The following LIN54 variants were observed in gnomAD, a reference collection of about 807,000 sequenced individuals.
LIN54 encodes lin-54 DREAM MuvB core complex component.
Under a neutral mutation model 78.7 loss-of-function variants are expected in LIN54, and 9 were observed. That is an observed-to-expected ratio of 0.11 (90% CI 0.07 to 0.20). The LOEUF (loss-of-function observed/expected upper bound fraction) is 0.20. Ranked by LOEUF, LIN54 falls within the 10% of genes least tolerant of loss-of-function variation. LIN54 has a pLI of 1.00. For synonymous variants in LIN54, 269 were observed against 318.4 expected (o/e 0.84, Z 1.65); for missense variants, 573 against 889.9 (o/e 0.64, Z 4.53).
intron 4 of LIN54, among the ~76,000 whole-genome samples, chr4:82,958,514 T>C (rs1367541046): frequency 6.6e-6 from 1 of 152,196 alleles, no homozygotes; most frequent in African/African-American, 2.4e-5. Flanking sequence ...GAAATATCAC[T>C]TATCCAACTG....
In LIN54 at chr4:82,960,817, T is replaced by C. The variant is rs545536050; in HGVS notation, c.951+9510A>G. 4.6e-5 allele frequency among the ~76,000 whole-genome samples: 7 copies of C among 152,246 alleles called. No homozygotes were observed. The South Asian group carries it at 1.5e-3, about 32-fold the overall frequency. The stretch of plus-strand genomic sequence containing the variant: ...GCTCATACATGTAATCCCAGCACTT[T>C]TGGGAGGCTGAGGCAGGTAGGTCGC... On this transcript the variant is annotated intron_variant, in intron 4 of 12. Coordinates refer to ENST00000340417, the MANE Select transcript of LIN54 (RefSeq NM_194282.4).
At chr4:82,944,734 T>C (rs1723218856) in intron 5 of LIN54, 1 of 152,144 alleles carries the variant, frequency 6.6e-6, no homozygotes, top group Non-Finnish European at 1.5e-5. Context: ...TTTTAATTTT[T>C]AATTTTAGAC....
Position 82,926,321 on chromosome 4 carries a change from T to C in LIN54, c.*1781A>G, listed in dbSNP as rs1721464019. The stretch of plus-strand genomic sequence containing the variant: ...CATTTATACAAATTTTAATTAAACA[T>C]ACTAGATTGAGGTGCTAAGAATGTT... On this transcript the variant is annotated 3_prime_UTR_variant, in exon 13 of 13. Coordinates refer to ENST00000340417, the MANE Select transcript of LIN54 (RefSeq NM_194282.4). 1 of 152,502 alleles carries C rather than the reference T, an allele frequency of 6.6e-6. No individual in the cohort carries two copies. Among genetic ancestry groups the C allele is most frequent in the African/African-American group, 2.4e-5 (1 of 41,418 alleles). 9.4% of individuals were successfully genotyped at this position (152,502 alleles called of 1,614,324 possible).
intron 3 of LIN54, among the ~76,000 whole-genome samples, chr4:82,974,165 GCA>G (rs1725940783): frequency 6.6e-6 from 1 of 151,280 alleles, no homozygotes; most frequent in Admixed American, 6.6e-5. Flanking sequence ...AGCCGAGATC[GCA>G]CCACTGCACT....
intron 2 of LIN54, 51 bp downstream of exon 2, chr4:82,984,110 A>G (rs746341420): frequency 7.6e-7 from 1 of 1,320,972 alleles, no homozygotes; most frequent in South Asian, 1.4e-5. Flanking sequence ...TGAATCAGTT[A>G]AATTTTTTTA....
intron 1 of LIN54, chr4:83,003,396 G>A (rs964411483): frequency 3.3e-5 from 5 of 152,134 alleles, no homozygotes; most frequent in Non-Finnish European, 5.9e-5. Flanking sequence ...ACTAAACTGG[G>A]AGCAGTAGAC....
chr4:82,966,693 A>G (rs1344612474), intron 4 of LIN54, among the ~76,000 whole-genome samples: 1 of 152,082 alleles, frequency 6.6e-6, no homozygotes, highest in Admixed American at 6.5e-5. Context: ...ATCTCAGCTC[A>G]TTGCAACCTC....
At chr4:83,011,700 A>C (rs993435456), upstream of LIN54, among the ~76,000 whole-genome samples, 2 of 152,148 alleles carry the variant, frequency 1.3e-5, no homozygotes, top group Admixed American at 1.3e-4. Context: ...AAGAGTTACC[A>C]GCTCTTGTCA....
chr4:82,999,783 A>AC (rs1728586672), intron 1 of LIN54, among the ~76,000 whole-genome samples: 1 of 150,688 alleles, frequency 6.6e-6, no homozygotes, highest in Non-Finnish European at 1.5e-5. Flanking sequence ...GTCTCAAAAA[A>AC]AAAAAAAAAA....
chr4:82,937,340 A>G, intron 8 of LIN54, 42 bp from the exon 9 acceptor site: 1 of 1,279,316 alleles, frequency 7.8e-7, no homozygotes, highest in Non-Finnish European at 1.1e-6. Context: ...ATCAATTAAT[A>G]GTAACTAAAA....
chr4:82,961,314 G>A (rs1488080777), intron 4 of LIN54, among the ~76,000 whole-genome samples: 1 of 152,122 alleles, frequency 6.6e-6, no homozygotes, highest in Admixed American at 6.6e-5. Context: ...CTCAAGCTAC[G>A]AGACCTAGAA....
intron 1 of LIN54, among the ~76,000 whole-genome samples, chr4:83,009,069 T>C (rs1729644388): frequency 6.6e-6 from 1 of 152,212 alleles, no homozygotes; most frequent in Non-Finnish European, 1.5e-5. Context: ...TTTTAAAAAA[T>C]AATCATTATC....
chr4:82,984,392 T>C lies in LIN54; in HGVS notation c.453A>G (p.Pro151=), dbSNP rs1242539517. ...GGCTATGGGGTAGTGCTAAAACAAT[T>C]GGTGAACCAGACTTGCCCAAAGTTG... ...ILTTLGKSGS[P]IVLALPHSQL... The change falls in exon 2 of 13, where the codon CCA becomes CCG. Residue 151 remains proline, a synonymous_variant. Coordinates refer to ENST00000340417, the MANE Select transcript of LIN54 (RefSeq NM_194282.4). The C allele has an allele frequency of 3.1e-6, 5 of 1,614,188 alleles. No homozygotes were observed. The South Asian group carries it at 3.3e-5, about 11-fold the overall frequency.
At chr4:82,936,157 C>T (rs768327894) in intron 10 of LIN54, 39 bp from the exon 11 acceptor site, 1 of 1,611,450 alleles carries the variant, frequency 6.2e-7, no homozygotes, top group Middle Eastern at 1.7e-4. Context: ...AGTTAAATCA[C>T]AGTAGATGAA....
intron 2 of LIN54, among the ~76,000 whole-genome samples, chr4:82,983,368 A>T (rs1273323658): frequency 1.3e-5 from 2 of 152,176 alleles, no homozygotes; most frequent in Non-Finnish European, 2.9e-5. Context: ...TGGGCATGAT[A>T]AACTGGAAAT....
At chr4:83,011,259 G>A (rs1005684142), upstream of LIN54, among the ~76,000 whole-genome samples, 2 of 152,176 alleles carry the variant, frequency 1.3e-5, no homozygotes, top group Non-Finnish European at 2.9e-5. Context: ...ACTTTGACAG[G>A]ATGAGCTATT....
chr4:83,003,233 T>G lies in LIN54; in HGVS notation c.-33+7251A>C, dbSNP rs1160766574. On this transcript the variant is annotated intron_variant, in intron 1 of 12. Coordinates refer to ENST00000340417, the MANE Select transcript of LIN54 (RefSeq NM_194282.4). ...TTTCACCATGTTGGCCAGGCTGGCC[T>G]TGAACTCCTGACCTCAATTGATCCG... Among the ~76,000 whole-genome samples, 3 of 152,188 alleles carry G rather than the reference T, an allele frequency of 2.0e-5. No homozygotes were observed. In the East Asian group the frequency reaches 5.8e-4, roughly 29 times the overall value.
At chr4:82,991,777 G>A (rs913510479) in intron 1 of LIN54, among the ~76,000 whole-genome samples, 6 of 151,762 alleles carry the variant, frequency 4.0e-5, no homozygotes, top group Non-Finnish European at 8.8e-5. Context: ...TTTAATCTGT[G>A]AATTATATTA....
At position 83,010,687 on chromosome 4, in the gene LIN54, G is replaced by C. The variant is rs1194190956; in HGVS notation, c.-236C>G. On this transcript the variant is annotated 5_prime_UTR_variant, in exon 1 of 13. Coordinates refer to ENST00000340417, the MANE Select transcript of LIN54 (RefSeq NM_194282.4). Reference sequence around the variant, plus strand: ...GAGCCGGGGTGGCGACGTCGCCGTCGCCGCCGCCTCTGGTATGTCAGGGGC... The same window carrying C: ...GAGCCGGGGTGGCGACGTCGCCGTCCCCGCCGCCTCTGGTATGTCAGGGGC... The C allele has an allele frequency of 8.2e-6, 10 of 1,224,718 alleles. No homozygotes were observed. The highest frequency in any genetic ancestry group is 1.0e-5 in the Non-Finnish European group (10 of 983,436). 75.9% of individuals were successfully genotyped at this position (1,224,718 alleles called of 1,614,324 possible). A position where few individuals can be genotyped will look rare whatever the true frequency, so the allele number is the denominator to read the frequency against.
Sources: gnomAD v4.1 joint callset for allele counts (sites outside exome capture counted in the v4.1 genomes callset) on GRCh38, gnomAD v4.1.1 for gene constraint, MANE v1.5 for transcripts, NCBI Gene and HGNC (gene_info 2026-07-23, HGNC 2026-07-21) for gene names.